The following NEO1 variants were observed in gnomAD, a reference collection of about 807,000 sequenced individuals.
NEO1 encodes the protein neogenin 1, also known as neogenin.
NEO1 carries 63 observed loss-of-function variants against 159.7 expected under a neutral mutation model. The observed-to-expected ratio is 0.39, with a 90% CI of 0.32 to 0.49. The LOEUF is 0.49. NEO1 is among the 20% of genes least tolerant of loss of function. The probability of loss-of-function intolerance (pLI) is 0.85; values close to 1 mark genes in which losing one functional copy is unlikely to be tolerated. For synonymous variants in NEO1, 633 were observed against 662.0 expected (o/e 0.96, Z 0.67); for missense variants, 1,615 against 1,831.0 (o/e 0.88, Z 2.15).
chr15:73,163,675 A>G (rs960072612), intron 5 of NEO1, among the ~76,000 whole-genome samples: 16 of 152,220 alleles, frequency 1.1e-4, no homozygotes, highest in African/African-American at 3.9e-4. Flanking sequence ...AAACCGATTC[A>G]GAGGGTTTGG....
intron 1 of NEO1, among the ~76,000 whole-genome samples, chr15:73,114,695 GTATTT>G (rs2071200265): frequency 6.6e-6 from 1 of 152,024 alleles, no homozygotes; most frequent in South Asian, 2.1e-4. Context: ...GAAATAGAAT[GTATTT>G]TATTATCAGT....
chr15:73,300,537 C>G (rs1246879468), intron 27 of NEO1, among the ~76,000 whole-genome samples: 1 of 152,158 alleles, frequency 6.6e-6, no homozygotes, highest in Non-Finnish European at 1.5e-5. Flanking sequence ...CAAGACCAGC[C>G]TGGCCACCAT....
intron 5 of NEO1, among the ~76,000 whole-genome samples, chr15:73,152,858 G>T (rs190579370): frequency 6.6e-6 from 1 of 152,262 alleles, no homozygotes; most frequent in East Asian, 1.9e-4. Context: ...TTGTGGTGGT[G>T]TGAGAGTAGA....
chr15:73,080,772 T>C (rs2151380466), intron 1 of NEO1, among the ~76,000 whole-genome samples: 1 of 152,188 alleles, frequency 6.6e-6, no homozygotes, highest in South Asian at 2.1e-4. Context: ...CCTGCAAACA[T>C]GGGCCAGAAA....
chr15:73,076,370 GT>G (rs1287514836), intron 1 of NEO1, among the ~76,000 whole-genome samples: 2 of 152,228 alleles, frequency 1.3e-5, no homozygotes, highest in Middle Eastern at 3.4e-3. Context: ...CCTTCAAAAG[GT>G]TTACGATCTG....
chr15:73,154,073 A>G (rs987240617), intron 5 of NEO1, among the ~76,000 whole-genome samples: 1 of 152,222 alleles, frequency 6.6e-6, no homozygotes, highest in South Asian at 2.1e-4. Context: ...TTTCATATTA[A>G]CAAGAAAGTA....
At chr15:73,289,789 T>A (rs752131487) in intron 25 of NEO1, among the ~76,000 whole-genome samples, 2 of 151,770 alleles carry the variant, frequency 1.3e-5, no homozygotes, top group African/African-American at 2.4e-5. Flanking sequence ...CCAAAAAAAA[T>A]AAAATTAAAA....
chr15:73,098,365 C>T (rs1409217995), intron 1 of NEO1, among the ~76,000 whole-genome samples: 1 of 152,132 alleles, frequency 6.6e-6, no homozygotes. Context: ...TACATAGCCT[C>T]AAAGTCAAAT....
chr15:73,301,413 C>G lies in NEO1; in HGVS notation c.4258C>G (p.Pro1420Ala). The part of the protein sequence containing the change: ...PPMPVVVPSA[P>A]EVQETTRMLE... ...TATGCCAGTGGTTGTTCCCAGTGCC[C>G]CTGAAGTGCAGGAGACCACAAGGAT... is the stretch of plus-strand genomic sequence containing the variant. Residue 1420 changes from proline to alanine, a missense_variant, in exon 28 of 29, where the codon CCT becomes GCT. Coordinates refer to ENST00000261908, the MANE Select transcript of NEO1 (RefSeq NM_002499.4). 1 of 1,614,146 alleles carries G rather than the reference C, an allele frequency of 6.2e-7. No homozygotes were observed. The highest frequency in any genetic ancestry group is 8.5e-7 in the Non-Finnish European group (1 of 1,180,026).
intron 5 of NEO1, among the ~76,000 whole-genome samples, chr15:73,153,844 C>T (rs763911170): frequency 3.3e-5 from 5 of 151,984 alleles, no homozygotes; most frequent in Admixed American, 2.6e-4. Flanking sequence ...TGAAAGCCTC[C>T]GAATTATATT....
At chr15:73,165,555 C>T (rs920976625) in intron 5 of NEO1, among the ~76,000 whole-genome samples, 1 of 152,138 alleles carries the variant, frequency 6.6e-6, no homozygotes, top group Non-Finnish European at 1.5e-5. Context: ...GGTACAAAAA[C>T]ATATGTGGTA....
At chr15:73,298,686 A>G in intron 27 of NEO1, 75 bp downstream of exon 27, 1 of 1,567,642 alleles carries the variant, frequency 6.4e-7, no homozygotes, top group Non-Finnish European at 8.7e-7. Flanking sequence ...GGACAAAGCC[A>G]CCCCTTCTTT....
At chr15:73,260,786 G>T (rs945368707) in intron 15 of NEO1, among the ~76,000 whole-genome samples, 5 of 152,266 alleles carry the variant, frequency 3.3e-5, no homozygotes, top group Admixed American at 1.3e-4. Flanking sequence ...TGATAATGAT[G>T]TTAACTTTAA....
intron 7 of NEO1, among the ~76,000 whole-genome samples, chr15:73,180,982 G>C (rs551630133): frequency 7.2e-5 from 11 of 152,202 alleles, no homozygotes; most frequent in Non-Finnish European, 8.8e-5. Flanking sequence ...AATATAATAA[G>C]GGATGTAAGA....
chr15:73,059,224 C>T (rs1222163868), intron 1 of NEO1, among the ~76,000 whole-genome samples: 1 of 152,076 alleles, frequency 6.6e-6, no homozygotes, highest in Non-Finnish European at 1.5e-5. Flanking sequence ...CCCTGTCTGA[C>T]CCCTTTACAT....
intron 13 of NEO1, among the ~76,000 whole-genome samples, chr15:73,257,754 T>C (rs2040436992): frequency 1.3e-5 from 2 of 152,188 alleles, no homozygotes; most frequent in African/African-American, 4.8e-5. Flanking sequence ...TGCTCTCTCT[T>C]ACATCCCAGT....
At position 73,249,167 on chromosome 15, in the gene NEO1, T is replaced by C; in HGVS notation, c.1714T>C (p.Tyr572His). Residue 572 changes from tyrosine to histidine, a missense_variant, in exon 10 of 29, where the codon TAT becomes CAT. By Grantham distance (83) the Tyr-to-His change is moderately conservative. Transcript: ENST00000261908. ...PVSGNGEIQNYKLYYMEKGTD... is the reference protein window; with the variant it reads ...PVSGNGEIQNHKLYYMEKGTD... ...GTCTGGCAATGGGGAAATTCAGAATTATAAATTGTACTACATGGAAAAGGG... is the reference window on the plus strand; with the variant it reads ...GTCTGGCAATGGGGAAATTCAGAATCATAAATTGTACTACATGGAAAAGGG... 6.2e-7 allele frequency: 1 copy of C among 1,614,060 alleles called. No homozygotes were observed. Among genetic ancestry groups the C allele is most frequent in the South Asian group, 1.1e-5 (1 of 91,078 alleles).
At chr15:73,096,665 C>T (rs1366678756) in intron 1 of NEO1, among the ~76,000 whole-genome samples, 2 of 152,154 alleles carry the variant, frequency 1.3e-5, no homozygotes, top group African/African-American at 4.8e-5. Flanking sequence ...TCCTTCTCCC[C>T]CAGGGCAATA....
intron 2 of NEO1, among the ~76,000 whole-genome samples, chr15:73,121,416 A>G (rs967545818): frequency 3.9e-5 from 6 of 152,190 alleles, no homozygotes; most frequent in Non-Finnish European, 8.8e-5. Context: ...TCAGTGCATC[A>G]TGCCAAGAAG....
Sources: allele counts gnomAD v4.1 joint callset (sites outside exome capture counted in the v4.1 genomes callset), GRCh38; gene constraint gnomAD v4.1.1; transcripts MANE v1.5; gene names NCBI Gene and HGNC (gene_info 2026-07-23, HGNC 2026-07-21).